Variants in MKLN1 observed in about 807,000 individuals in gnomAD.
MKLN1 encodes the protein muskelin 1.
Under a neutral mutation model 99.0 loss-of-function variants are expected in MKLN1, and 18 were observed. That is an observed-to-expected ratio of 0.18 (90% CI 0.13 to 0.27). The LOEUF (loss-of-function observed/expected upper bound fraction) is 0.27, where lower values mean the gene tolerates loss of function less well. MKLN1 is among the 10% of genes least tolerant of loss of function. The pLI is 1.00. For synonymous variants in MKLN1, 288 were observed against 293.2 expected (o/e 0.98, Z 0.18); for missense variants, 621 against 875.9 (o/e 0.71, Z 3.67).
chr7:131,436,515 C>T (rs1426053278), intron 9 of MKLN1, among the ~76,000 whole-genome samples: 1 of 152,086 alleles, frequency 6.6e-6, no homozygotes, highest in African/African-American at 2.4e-5. Flanking sequence ...TGAAAGAGCC[C>T]AGTTTTTGGC....
chr7:131,139,131 A>T (rs926204243), intron 1 of MKLN1, among the ~76,000 whole-genome samples: 7 of 152,108 alleles, frequency 4.6e-5, no homozygotes, highest in African/African-American at 1.7e-4. Context: ...CAGGGATAGG[A>T]TGGCAGGAGA....
intron 1 of MKLN1, among the ~76,000 whole-genome samples, chr7:131,368,194 A>G (rs1210741596): frequency 6.6e-6 from 1 of 152,198 alleles, no homozygotes; most frequent in Non-Finnish European, 1.5e-5. Context: ...GAGGGGAGCA[A>G]CATCATAGGA....
chr7:131,374,403 C>T (rs1043762903), intron 1 of MKLN1, among the ~76,000 whole-genome samples: 4 of 152,036 alleles, frequency 2.6e-5, no homozygotes, highest in African/African-American at 4.8e-5. Flanking sequence ...TATTATATTA[C>T]GGTAAACACA....
chr7:131,230,848 C>T lies in MKLN1; in HGVS notation c.-179+27874C>T, dbSNP rs534605430. Among the ~76,000 whole-genome samples, 3 of 152,150 alleles carry T rather than the reference C, an allele frequency of 2.0e-5. No individual in the cohort carries two copies. In the East Asian group the frequency reaches 5.8e-4, roughly 29 times the overall value. ...TTTATATGTCTCTTTTGGCCGGGCA[C>T]AGTGGCTCACACCTGTAATCCCAGC... On this transcript the variant is annotated intron_variant, in intron 3 of 7. Transcript: ENST00000416992.
At chr7:131,203,950 A>G (rs1339468209) in intron 3 of MKLN1, among the ~76,000 whole-genome samples, 1 of 152,140 alleles carries the variant, frequency 6.6e-6, no homozygotes, top group Non-Finnish European at 1.5e-5. Context: ...ACACTGAAAA[A>G]CTATCTTGAT....
At chr7:131,303,584 C>G (rs1189246304) in intron 3 of MKLN1, among the ~76,000 whole-genome samples, 1 of 152,136 alleles carries the variant, frequency 6.6e-6, no homozygotes, top group Non-Finnish European at 1.5e-5. Context: ...GAGGCAGAAC[C>G]ATTTGTTTTA....
chr7:131,221,263 C>T (rs561641311), intron 3 of MKLN1, among the ~76,000 whole-genome samples: 2 of 152,142 alleles, frequency 1.3e-5, no homozygotes, highest in South Asian at 4.1e-4. Flanking sequence ...TGGTCCAAGC[C>T]CTGGGTGGAG....
intron 7 of MKLN1, among the ~76,000 whole-genome samples, chr7:131,411,628 C>T (rs974170795): frequency 1.3e-5 from 2 of 151,752 alleles, no homozygotes; most frequent in Non-Finnish European, 2.9e-5. Flanking sequence ...GCTATACAGC[C>T]GAGTGTGGTG....
chr7:131,448,765 G>A (rs958717923), intron 12 of MKLN1, among the ~76,000 whole-genome samples: 1 of 152,124 alleles, frequency 6.6e-6, no homozygotes, highest in Non-Finnish European at 1.5e-5. Flanking sequence ...TTTTTACTGT[G>A]TGTGTTCAGT....
chr7:131,478,062 A>G (rs1797015383), intron 16 of MKLN1, among the ~76,000 whole-genome samples: 1 of 152,224 alleles, frequency 6.6e-6, no homozygotes, highest in South Asian at 2.1e-4. Context: ...CATTTACAAC[A>G]TTATGTCCAT....
intron 3 of MKLN1, among the ~76,000 whole-genome samples, chr7:131,226,976 A>G (rs949856780): frequency 6.6e-6 from 1 of 152,264 alleles, no homozygotes; most frequent in Non-Finnish European, 1.5e-5. Context: ...CAAGGATTTG[A>G]TTGGATCTTT....
chr7:131,421,038 T>C (rs568525753), intron 8 of MKLN1, among the ~76,000 whole-genome samples: 1 of 152,358 alleles, frequency 6.6e-6, no homozygotes, highest in South Asian at 2.1e-4. Flanking sequence ...CAGATTCTAC[T>C]TGTTATGCCA....
intron 3 of MKLN1, among the ~76,000 whole-genome samples, chr7:131,316,575 A>G (rs554020145): frequency 6.6e-6 from 1 of 152,304 alleles, no homozygotes; most frequent in East Asian, 1.9e-4. Context: ...ACTCCTCTCC[A>G]GCAAGGACAC....
chr7:131,278,932 A>G (rs1291212093), intron 3 of MKLN1, among the ~76,000 whole-genome samples: 1 of 152,186 alleles, frequency 6.6e-6, no homozygotes, highest in Non-Finnish European at 1.5e-5. Flanking sequence ...CTGTTATTCA[A>G]TTCTTAAACC....
chr7:131,371,396 T>G (rs946285010), intron 1 of MKLN1, among the ~76,000 whole-genome samples: 1 of 152,220 alleles, frequency 6.6e-6, no homozygotes, highest in East Asian at 1.9e-4. Flanking sequence ...AATCAGTCCT[T>G]AAGCTTTTCT....
intron 3 of MKLN1, among the ~76,000 whole-genome samples, chr7:131,237,890 T>C (rs575674016): frequency 6.6e-6 from 1 of 152,338 alleles, no homozygotes; most frequent in East Asian, 1.9e-4. Context: ...CTCAGATCTA[T>C]AATTTCAGCA....
chr7:131,246,661 A>G (rs1035475167), intron 3 of MKLN1, among the ~76,000 whole-genome samples: 2 of 149,212 alleles, frequency 1.3e-5, no homozygotes, highest in Non-Finnish European at 3.0e-5. Flanking sequence ...TTTTTTGACT[A>G]ATTTTTTGTA....
chr7:131,292,502 T>C (rs1798235974), intron 3 of MKLN1, among the ~76,000 whole-genome samples: 1 of 152,148 alleles, frequency 6.6e-6, no homozygotes, highest in South Asian at 2.1e-4. Flanking sequence ...AAATAATTAG[T>C]CAAGATACTG....
chr7:131,438,891 AT>A (rs1325977591), intron 10 of MKLN1, among the ~76,000 whole-genome samples: 1 of 152,050 alleles, frequency 6.6e-6, no homozygotes, highest in Non-Finnish European at 1.5e-5. Flanking sequence ...GTCTTTATTT[AT>A]TGTGTCTTTA....
Sources: allele counts gnomAD v4.1 joint callset (sites outside exome capture counted in the v4.1 genomes callset), GRCh38; gene constraint gnomAD v4.1.1; transcripts MANE v1.5; gene names NCBI Gene and HGNC (gene_info 2026-07-23, HGNC 2026-07-21).